The following C12orf42 variants were observed in gnomAD, a reference collection of about 807,000 sequenced individuals.
The protein encoded by C12orf42 is chromosome 12 open reading frame 42.
C12orf42 carries 25 observed loss-of-function variants against 21.6 expected under a neutral mutation model. The observed-to-expected ratio is 1.16, with a 90% CI of 0.84 to 1.62. C12orf42 has a LOEUF of 1.62. Ranked by LOEUF, C12orf42 falls within the 40% of genes most tolerant of loss-of-function variation. C12orf42 has a pLI of 0.00. For synonymous variants in C12orf42, 174 were observed against 175.0 expected (o/e 0.99, Z 0.05); for missense variants, 483 against 459.3 (o/e 1.05, Z -0.47).
intron 4 of C12orf42, among the ~76,000 whole-genome samples, chr12:103,342,443 G>T (rs1187048294): frequency 6.6e-6 from 1 of 152,056 alleles, no homozygotes; most frequent in Non-Finnish European, 1.5e-5. Context: ...AGCACCTACT[G>T]TATGCCAGGC....
At chr12:103,106,412 A>G in the C12orf42 span, among the ~76,000 whole-genome samples, 1 of 152,028 alleles carries the variant, frequency 6.6e-6, no homozygotes, top group African/African-American at 2.4e-5. Context: ...TAAAATAAAC[A>G]TGTGGGTAAA....
upstream of C12orf42, among the ~76,000 whole-genome samples, chr12:103,499,574 A>G (rs1033186778): frequency 2.0e-5 from 3 of 152,248 alleles, no homozygotes; most frequent in African/African-American, 7.2e-5. Context: ...AAGGGATTTC[A>G]CTACCATGCC....
intron 2 of C12orf42, among the ~76,000 whole-genome samples, chr12:103,460,800 G>A (rs1180395423): frequency 1.3e-5 from 2 of 152,172 alleles, no homozygotes; most frequent in Non-Finnish European, 2.9e-5. Flanking sequence ...AAATGCATAT[G>A]TCATATTTTG....
chr12:103,518,658 C>G, the C12orf42 span, among the ~76,000 whole-genome samples: 1 of 152,168 alleles, frequency 6.6e-6, no homozygotes, highest in Non-Finnish European at 1.5e-5. Flanking sequence ...AACTTTCACA[C>G]TGTATAGAGA....
Position 103,433,480 on chromosome 12 carries a change from T to C in C12orf42, c.79-31805A>G, listed in dbSNP as rs1189525122. Reference sequence around the variant, plus strand: ...ATAATATGATGCAACAAGAAGGATATAGCAACATCTCTAAAGTACAATTTC... The same window carrying C: ...ATAATATGATGCAACAAGAAGGATACAGCAACATCTCTAAAGTACAATTTC... On this transcript the variant is annotated intron_variant, in intron 2 of 5. Transcript: ENST00000548883. Among the ~76,000 whole-genome samples, 4 of 152,300 alleles carry C rather than the reference T, an allele frequency of 2.6e-5. No homozygotes were observed. The East Asian group carries it at 7.7e-4, about 29-fold the overall frequency.
chr12:103,295,278 T>C (rs1464976045), intron 4 of C12orf42, among the ~76,000 whole-genome samples: 6 of 152,182 alleles, frequency 3.9e-5, no homozygotes, highest in Admixed American at 2.6e-4. Flanking sequence ...TGGGTAGTTT[T>C]AGAGTCTTTT....
the C12orf42 span, chr12:103,505,695 T>C: frequency 4.6e-6 from 1 of 219,326 alleles, no homozygotes; most frequent in South Asian, 5.8e-5. Flanking sequence ...AGGCTGTAGA[T>C]GGAGAGGACA....
chr12:103,213,920 C>A, the C12orf42 span, among the ~76,000 whole-genome samples: 751 of 152,254 alleles, frequency 4.9e-3, 3 homozygotes, highest in African/African-American at 0.017. Flanking sequence ...TGGATTGATA[C>A]CCAGCACATG....
intron 3 of C12orf42, 94 bp downstream of exon 3, chr12:103,401,513 A>C: frequency 9.5e-7 from 1 of 1,048,326 alleles, no homozygotes; most frequent in Non-Finnish European, 1.4e-6. Context: ...AAAGTCAAAA[A>C]TACAAAGAAA....
At chr12:103,560,585 GC>G in the C12orf42 span, among the ~76,000 whole-genome samples, 2 of 152,196 alleles carry the variant, frequency 1.3e-5, no homozygotes, top group Non-Finnish European at 2.9e-5. Flanking sequence ...AGGATACATA[GC>G]TTTCATTAAA....
chr12:103,118,591 G>A, the C12orf42 span, among the ~76,000 whole-genome samples: 697 of 152,060 alleles, frequency 4.6e-3, 5 homozygotes, highest in African/African-American at 0.016. Context: ...GAGGTCAGGA[G>A]ATCGAGACCA....
chr12:103,471,894 A>T (rs1434210905), intron 2 of C12orf42: 1 of 152,168 alleles, frequency 6.6e-6, no homozygotes, highest in East Asian at 1.9e-4. Context: ...CCTGCTGCAA[A>T]TTGATCACAA....
the C12orf42 span, among the ~76,000 whole-genome samples, chr12:103,513,640 T>G: frequency 1.3e-5 from 2 of 152,226 alleles, no homozygotes; most frequent in South Asian, 4.1e-4. Context: ...ACTCTGGACC[T>G]GCAGGACTCT....
At chr12:103,168,042 G>C in the C12orf42 span, 1 of 455,756 alleles carries the variant, frequency 2.2e-6, no homozygotes, top group South Asian at 1.5e-5. Flanking sequence ...TTATAGGTGA[G>C]GGAGAATGGG....
the C12orf42 span, chr12:103,504,313 G>C: frequency 6.3e-6 from 1 of 159,432 alleles, no homozygotes; most frequent in African/African-American, 2.4e-5. Flanking sequence ...GCGTGGGCTG[G>C]AAGATGGCTA....
chr12:103,503,164 G>A, the C12orf42 span, among the ~76,000 whole-genome samples: 1 of 152,216 alleles, frequency 6.6e-6, no homozygotes, highest in African/African-American at 2.4e-5. Flanking sequence ...AAGGAATACA[G>A]ACATAGTTTT....
At chr12:103,343,634 A>T (rs1275345985) in intron 4 of C12orf42, among the ~76,000 whole-genome samples, 1 of 151,950 alleles carries the variant, frequency 6.6e-6, no homozygotes, top group East Asian at 1.9e-4. Flanking sequence ...CAAAAAAATC[A>T]GCCGAGCATA....
At chr12:103,133,980 G>A in the C12orf42 span, among the ~76,000 whole-genome samples, 1 of 152,172 alleles carries the variant, frequency 6.6e-6, no homozygotes, top group Non-Finnish European at 1.5e-5. Context: ...GTGGAACTGT[G>A]AGTCAATTAA....
intron 4 of C12orf42, among the ~76,000 whole-genome samples, chr12:103,334,909 T>G (rs1320742828): frequency 6.6e-6 from 1 of 152,238 alleles, no homozygotes; most frequent in Non-Finnish European, 1.5e-5. Flanking sequence ...GCCTATACAT[T>G]AACAAAAGTT....
Sources: gnomAD v4.1 joint callset for allele counts (sites outside exome capture counted in the v4.1 genomes callset) on GRCh38, gnomAD v4.1.1 for gene constraint, MANE v1.5 for transcripts, NCBI Gene and HGNC (gene_info 2026-07-23, HGNC 2026-07-21) for gene names.